CELSR1: variants seen among roughly 807,000 people sequenced by gnomAD.
CELSR1 encodes the protein cadherin EGF LAG seven-pass G-type receptor 1.
A neutral mutation model predicts 249.1 loss-of-function variants in CELSR1; 110 were observed. The observed-to-expected ratio is 0.44, with a 90% CI of 0.38 to 0.52. The LOEUF (loss-of-function observed/expected upper bound fraction) is 0.52, where lower values mean the gene tolerates loss of function less well. Among genes scored for constraint, CELSR1 ranks in the 20% least tolerant of loss-of-function variants. CELSR1 has a pLI of 0.00. For synonymous variants in CELSR1, 2,113 were observed against 1,900.0 expected (o/e 1.11, Z -2.92); for missense variants, 4,109 against 4,296.4 (o/e 0.96, Z 1.22).
At chr22:46,382,150 C>T in intron 20 of CELSR1, 100 bp from the exon 21 acceptor site, 1 of 1,140,624 alleles carries the variant, frequency 8.8e-7, no homozygotes, top group African/African-American at 1.6e-5. Context: ...CAACAGATGT[C>T]CCACAGAAAA....
rs569098091 is a variant in CELSR1 at position 46,417,479 on chromosome 22, C to T, written c.4612-5720G>A. 3.9e-5 allele frequency among the ~76,000 whole-genome samples: 6 copies of T among 152,296 alleles called. No individual in the cohort carries two copies. In the South Asian group the frequency reaches 1.2e-3, roughly 32 times the overall value. On this transcript the variant is annotated intron_variant, in intron 5 of 34. Coordinates refer to ENST00000674500, the MANE Select transcript of CELSR1 (RefSeq NM_001378328.1). The surrounding 1 kb of genome is among the most constrained non-coding windows in gnomAD (Gnocchi z 4.1). ...TAGCCACCCTCTACACAGGGGCTGC[C>T]GGCTGCTTTTGATGACCTGGCTCGA...
chr22:46,380,840 C>T lies in CELSR1; in HGVS notation c.7204G>A (p.Glu2402Lys), dbSNP rs1213473560. 7 of 1,612,192 alleles carry T rather than the reference C, an allele frequency of 4.3e-6. No individual in the cohort carries two copies. Among genetic ancestry groups the T allele is most frequent in the Non-Finnish European group, 5.9e-6 (7 of 1,179,842 alleles). ...ACAGGCTTGGTTCGCTCCTCCACCT[C>T]CAGCAGGGCGAACTCCACCAGGACG... ...RPVLVEFALL[E>K]VEERTKPVCV... is the part of the protein sequence containing the mutation. Residue 2402 changes from glutamate to lysine, a missense_variant, in exon 22 of 35, where the codon GAG (glutamate) becomes AAG (lysine). By Grantham distance (56) the Glu-to-Lys change is moderately conservative. Coordinates refer to ENST00000674500, the MANE Select transcript of CELSR1 (RefSeq NM_001378328.1). The surrounding 1 kb of genome is among the most constrained non-coding windows in gnomAD (Gnocchi z 5.1).
intron 18 of CELSR1, among the ~76,000 whole-genome samples, chr22:46,388,422 GC>G (rs976323653): frequency 4.6e-5 from 7 of 152,144 alleles, no homozygotes; most frequent in African/African-American, 1.7e-4. Context: ...GAGAACAAAC[GC>G]CACTGGCCCA....
At position 46,439,171 on chromosome 22, in the gene CELSR1, G is replaced by A. The variant is rs373367149; in HGVS notation, c.4406+18C>T. On this transcript the variant is annotated intron_variant, in intron 3 of 34. Coordinates refer to ENST00000674500, the MANE Select transcript of CELSR1 (RefSeq NM_001378328.1). ...TCCTAAAGAGACCCCCGTGTGGCGC[G>A]GCGGGACGCACACTCACGTGAGGGA... 3.7e-5 allele frequency: 59 copies of A among 1,603,570 alleles called. No homozygotes were observed. The highest frequency in any genetic ancestry group is 3.1e-4 in the East Asian group (14 of 44,684).
chr22:46,534,812 G>C lies in CELSR1; in HGVS notation c.2359C>G (p.Pro787Ala). Residue 787 changes from proline to alanine, a missense_variant, in exon 1 of 35, where the codon CCT becomes GCT. Pro to Ala is a conservative substitution (Grantham distance 27, BLOSUM62 -1). This residue lies in a region of CELSR1 where 886 missense variants were observed against 896.5 expected (regional missense o/e 0.99). Coordinates refer to ENST00000674500, the MANE Select transcript of CELSR1 (RefSeq NM_001378328.1). The surrounding 1 kb of genome is among the most constrained non-coding windows in gnomAD (Gnocchi z 9.7). The stretch of plus-strand genomic sequence containing the variant: ...GTGTAATGGGAGCTCTGAAAGACAG[G>C]CCTGTGGGTGTTGGCATCAGTGACG... ...INVTDANTHRPVFQSSHYTVS... is the reference protein window; with the variant it reads ...INVTDANTHRAVFQSSHYTVS... 6.2e-7 allele frequency: 1 copy of C among 1,613,104 alleles called. No individual in the cohort carries two copies. The highest frequency in any genetic ancestry group is 8.5e-7 in the Non-Finnish European group (1 of 1,179,970).
intron 24 of CELSR1, among the ~76,000 whole-genome samples, chr22:46,375,406 G>A (rs1034983133): frequency 1.3e-5 from 2 of 152,036 alleles, no homozygotes; most frequent in Non-Finnish European, 2.9e-5. Flanking sequence ...CTCCATAACC[G>A]GTTGGTCCTG....
chr22:46,384,402 C>T (rs1184809385), intron 20 of CELSR1, 141 bp downstream of exon 20: 1 of 963,256 alleles, frequency 1.0e-6, no homozygotes, highest in Non-Finnish European at 1.5e-6. Context: ...CTGTCACCAA[C>T]AGGACCTGGC....
In CELSR1 at chr22:46,363,869, G is replaced by T. The variant is rs895685756; in HGVS notation, c.9035+127C>A. 8.5e-6 allele frequency: 11 copies of T among 1,288,036 alleles called. No homozygotes were observed. Among genetic ancestry groups the T allele is most frequent in the Non-Finnish European group, 9.3e-6 (9 of 971,056 alleles). 79.8% of individuals were successfully genotyped at this position (1,288,036 alleles called of 1,614,324 possible). Reference sequence around the variant, plus strand: ...CTCCCCCCTCCCCCATCCCCGCCTGGGCTTCCTCTGCACTCAGGGCTCCAG... The same window carrying T: ...CTCCCCCCTCCCCCATCCCCGCCTGTGCTTCCTCTGCACTCAGGGCTCCAG... On this transcript the variant is annotated intron_variant, in intron 34 of 34. Transcript: ENST00000674500. The surrounding 1 kb of genome is among the most constrained non-coding windows in gnomAD (Gnocchi z 4.3).
chr22:46,507,211 A>C (rs1313134965), intron 1 of CELSR1, among the ~76,000 whole-genome samples: 1 of 151,986 alleles, frequency 6.6e-6, no homozygotes, highest in Non-Finnish European at 1.5e-5. Context: ...ATAAAAAACA[A>C]ACCGATTCCA....
At chr22:46,497,769 T>G (rs1275702944) in intron 1 of CELSR1, among the ~76,000 whole-genome samples, 2 of 152,186 alleles carry the variant, frequency 1.3e-5, no homozygotes, top group African/African-American at 4.8e-5. Flanking sequence ...TTAAACACAA[T>G]GTTATTCTCA....
In CELSR1 at chr22:46,512,907, G is replaced by T. The variant is rs557174410; in HGVS notation, c.3544+20720C>A. ...TCCTCTGCTCCTGAGTGCTGCCCCGGGTGGCCCCGCATGGCAGGCGACGTC... is the reference window on the plus strand; with the variant it reads ...TCCTCTGCTCCTGAGTGCTGCCCCGTGTGGCCCCGCATGGCAGGCGACGTC... On this transcript the variant is annotated intron_variant, in intron 1 of 34. Coordinates refer to ENST00000674500, the MANE Select transcript of CELSR1 (RefSeq NM_001378328.1). This position sits in a 1 kb window ranked among gnomAD's most constrained non-coding sequence, Gnocchi z 5.2. Among the ~76,000 whole-genome samples, 19 of 152,320 alleles carry T rather than the reference G, an allele frequency of 1.2e-4. No homozygotes were observed. The East Asian group carries it at 3.7e-3, about 29-fold the overall frequency.
rs141170114 is a variant in CELSR1 at position 46,378,692 on chromosome 22, C to A, written c.7282G>T (p.Ala2428Ser). The change falls in exon 23 of 35, where the codon GCC becomes TCC. Residue 2428 changes from alanine (A) to serine (S), a missense_variant. Ala to Ser is a moderately conservative substitution (Grantham distance 99). Around this residue, in one of 7 missense-constraint regions of CELSR1, gnomAD observed 1,805 missense variants for 1,831.6 expected, o/e 0.99. Coordinates refer to ENST00000674500, the MANE Select transcript of CELSR1 (RefSeq NM_001378328.1). ...CTGGACAGGAGCTCGCAGCCCCGGG[C>A]AGACCACCCTCCCGTCCCACCAACG... Reference protein sequence around the residue: ...LAVGGTGGWSARGCELLSRNR... With the variant: ...LAVGGTGGWSSRGCELLSRNR... 1 of 1,612,546 alleles carries A rather than the reference C, an allele frequency of 6.2e-7. No individual in the cohort carries two copies. Among genetic ancestry groups the A allele is most frequent in the Non-Finnish European group, 8.5e-7 (1 of 1,179,784 alleles).
rs969292877 is a variant in CELSR1 at position 46,526,362 on chromosome 22, C to T, written c.3544+7265G>A. Among the ~76,000 whole-genome samples, 3 of 152,188 alleles carry T rather than the reference C, an allele frequency of 2.0e-5. No individual in the cohort carries two copies. The highest frequency in any genetic ancestry group is 6.5e-5 in the Admixed American group (1 of 15,274). On this transcript the variant is annotated intron_variant, in intron 1 of 34. Coordinates refer to ENST00000674500, the MANE Select transcript of CELSR1 (RefSeq NM_001378328.1). This position sits in a 1 kb window ranked among gnomAD's most constrained non-coding sequence, Gnocchi z 4.7. ...GGCTGCAGGACAGCTAGGTGCTGTG[C>T]GTAACCCGCCAACTCTGCTGGGCCT...
chr22:46,397,551 C>A, intron 12 of CELSR1, 123 bp downstream of exon 12: 2 of 893,442 alleles, frequency 2.2e-6, no homozygotes, highest in East Asian at 6.3e-5. Flanking sequence ...AAATAAAGCT[C>A]AGGGCTCCAC....
intron 1 of CELSR1, among the ~76,000 whole-genome samples, chr22:46,492,208 T>C (rs941013462): frequency 3.3e-5 from 5 of 152,214 alleles, no homozygotes; most frequent in African/African-American, 1.2e-4. Flanking sequence ...ACATGCCAGA[T>C]GCTACCAGAC....
intron 1 of CELSR1, among the ~76,000 whole-genome samples, chr22:46,508,151 C>T (rs907770027): frequency 1.3e-5 from 2 of 152,066 alleles, no homozygotes; most frequent in African/African-American, 4.8e-5. Flanking sequence ...CCCCCTCCCC[C>T]ACGGCTCCTA....
At chr22:46,419,862 C>A (rs2079445578) in intron 5 of CELSR1, among the ~76,000 whole-genome samples, 1 of 152,070 alleles carries the variant, frequency 6.6e-6, no homozygotes. Context: ...CGCATTCACA[C>A]CCACATGTGC....
At position 46,537,245 on chromosome 22, in the gene CELSR1, G is replaced by A; in HGVS notation, c.-75C>T. On this transcript the variant is annotated 5_prime_UTR_variant, in exon 1 of 35. Coordinates refer to ENST00000674500, the MANE Select transcript of CELSR1 (RefSeq NM_001378328.1). This position sits in a 1 kb window ranked among gnomAD's most constrained non-coding sequence, Gnocchi z 5.8. Reference sequence around the variant, plus strand: ...CGGCGCGCCTCCGCATCCACCCGGCGAGGCCGGGGAGCGGCTCCCGGGCGC... The same window carrying A: ...CGGCGCGCCTCCGCATCCACCCGGCAAGGCCGGGGAGCGGCTCCCGGGCGC... 1 of 1,010,682 alleles carries A rather than the reference G, an allele frequency of 9.9e-7. No individual in the cohort carries two copies. The highest frequency in any genetic ancestry group is 1.2e-6 in the Non-Finnish European group (1 of 847,656). The allele number at this position is 1,010,682 out of a possible 1,614,324, so 62.6% of individuals were successfully genotyped here.
At position 46,408,228 on chromosome 22, in the gene CELSR1, CAG is replaced by C. The variant is rs1246977979; in HGVS notation, c.5226+766_5226+767del. Among the ~76,000 whole-genome samples the C allele has an allele frequency of 6.6e-6, 1 of 152,228 alleles. No individual in the cohort carries two copies. Among genetic ancestry groups the C allele is most frequent in the Non-Finnish European group, 1.5e-5 (1 of 68,036 alleles). ...AACGAAACAGTAAAGATCAATAAGA[CAG>C]AGAAAACAGGCAGACAGCGACAGAG... On this transcript the variant is annotated intron_variant, in intron 9 of 34. Coordinates refer to ENST00000674500, the MANE Select transcript of CELSR1 (RefSeq NM_001378328.1). This position sits in a 1 kb window ranked among gnomAD's most constrained non-coding sequence, Gnocchi z 4.6.
Sources: allele counts gnomAD v4.1 joint callset (sites outside exome capture counted in the v4.1 genomes callset), GRCh38; gene constraint gnomAD v4.1.1; regional missense constraint gnomAD v4.1.1; non-coding constraint Gnocchi (gnomAD v3.1); transcripts MANE v1.5; gene names NCBI Gene and HGNC (gene_info 2026-07-23, HGNC 2026-07-21).